STK32B: variants seen among roughly 807,000 people sequenced by gnomAD.
The protein encoded by STK32B is serine/threonine kinase 32B.
STK32B carries 43 observed loss-of-function variants against 52.6 expected under a neutral mutation model. The ratio of observed to expected loss-of-function variants is 0.82; its 90% CI spans 0.64 to 1.05. The LOEUF (loss-of-function observed/expected upper bound fraction) is 1.05. Among genes scored for constraint, STK32B ranks in the 50% least tolerant of loss-of-function variants. The pLI is 0.00. For synonymous variants in STK32B, 238 were observed against 204.3 expected, an observed-to-expected ratio of 1.17 and a Z score of -1.41; for missense variants, 621 against 534.6, an observed-to-expected ratio of 1.16 and a Z score of -1.59.
At chr4:5,374,883 A>G (rs1011036669) in intron 4 of STK32B, among the ~76,000 whole-genome samples, 7 of 152,220 alleles carry the variant, frequency 4.6e-5, no homozygotes, top group East Asian at 3.8e-4. Context: ...CTGCCTGCCA[A>G]GGGTGCCTGA....
At chr4:5,292,853 C>T (rs1158188297) in intron 3 of STK32B, among the ~76,000 whole-genome samples, 2 of 151,988 alleles carry the variant, frequency 1.3e-5, no homozygotes, top group East Asian at 3.9e-4. Context: ...ATACATGTGC[C>T]ATGGTGGTTT....
chr4:5,160,605 T>G (rs1718364395), intron 2 of STK32B, among the ~76,000 whole-genome samples: 1 of 152,228 alleles, frequency 6.6e-6, no homozygotes, highest in Non-Finnish European at 1.5e-5. Flanking sequence ...TAGTCCCATG[T>G]GCTCACCTCT....
At chr4:5,388,440 T>C (rs16837086) in intron 4 of STK32B, among the ~76,000 whole-genome samples, 12,127 of 152,170 alleles carry the variant, frequency 0.08, 1,032 homozygotes, top group Admixed American at 0.2. Flanking sequence ...CCACACAGTA[T>C]TGGAGTAAGG....
intron 1 of STK32B, among the ~76,000 whole-genome samples, chr4:5,135,901 A>G (rs1188540081): frequency 1.3e-5 from 2 of 152,214 alleles, no homozygotes; most frequent in African/African-American, 4.8e-5. Context: ...CAGTGGCTGG[A>G]AAAGTGGGGA....
At chr4:5,218,737 T>C (rs1026886155) in intron 3 of STK32B, among the ~76,000 whole-genome samples, 1 of 152,334 alleles carries the variant, frequency 6.6e-6, no homozygotes, top group East Asian at 1.9e-4. Flanking sequence ...TAACACATTC[T>C]TTTTCCTTTA....
chr4:5,441,438 G>C (rs1350224439), intron 6 of STK32B, among the ~76,000 whole-genome samples: 1 of 150,534 alleles, frequency 6.6e-6, no homozygotes, highest in African/African-American at 2.4e-5. Context: ...ATTTCTGTGG[G>C]ATCAGTGGTG....
chr4:5,405,111 C>T (rs1737570944), intron 5 of STK32B, among the ~76,000 whole-genome samples: 1 of 151,758 alleles, frequency 6.6e-6, no homozygotes, highest in Admixed American at 6.6e-5. Flanking sequence ...CATGATCCAC[C>T]CACCTTGGCC....
At chr4:5,248,133 G>A (rs1234843349) in intron 3 of STK32B, among the ~76,000 whole-genome samples, 5 of 152,180 alleles carry the variant, frequency 3.3e-5, no homozygotes, top group Non-Finnish European at 7.3e-5. Context: ...TATTGCTGAG[G>A]TCCTAGTGTT....
At chr4:5,140,567 C>T (rs572592461) in intron 2 of STK32B, among the ~76,000 whole-genome samples, 1 of 152,222 alleles carries the variant, frequency 6.6e-6, no homozygotes, top group African/African-American at 2.4e-5. Flanking sequence ...AACATAGTCT[C>T]TGTAACTCAG....
chr4:5,447,820 G>T (rs1381357950), intron 7 of STK32B, among the ~76,000 whole-genome samples: 1 of 152,178 alleles, frequency 6.6e-6, no homozygotes, highest in African/African-American at 2.4e-5. Flanking sequence ...TGTGTTCCTG[G>T]ACTGTGGGAG....
At chr4:5,034,841 C>G in the STK32B span, among the ~76,000 whole-genome samples, 1 of 152,204 alleles carries the variant, frequency 6.6e-6, no homozygotes, top group Non-Finnish European at 1.5e-5. Flanking sequence ...TTCATGGCAG[C>G]CTGGTCATAG....
the STK32B span, among the ~76,000 whole-genome samples, chr4:5,035,636 T>G: frequency 2.6e-5 from 4 of 152,096 alleles, 1 homozygote; most frequent in South Asian, 8.3e-4. Flanking sequence ...CGGTGGAGAC[T>G]GACATTGGAG....
chr4:5,216,146 G>C (rs1364191197), intron 3 of STK32B, among the ~76,000 whole-genome samples: 1 of 152,174 alleles, frequency 6.6e-6, no homozygotes, highest in Non-Finnish European at 1.5e-5. Context: ...TTAAAGACCA[G>C]ATCACTGGAC....
At chr4:5,024,595 G>T in the STK32B span, among the ~76,000 whole-genome samples, 1 of 152,164 alleles carries the variant, frequency 6.6e-6, no homozygotes, top group Non-Finnish European at 1.5e-5. Context: ...AGAAAGTCCT[G>T]AGCTTTGTGC....
intron 3 of STK32B, among the ~76,000 whole-genome samples, chr4:5,249,530 C>T (rs76361377): frequency 2.7e-5 from 4 of 148,600 alleles, no homozygotes; most frequent in East Asian, 2.0e-4. Context: ...AACTTTTCTT[C>T]TCTCCTTCCT....
At position 5,242,574 on chromosome 4, in the gene STK32B, G is replaced by T. The variant is rs367642247; in HGVS notation, c.260+74124G>T. Among the ~76,000 whole-genome samples the T allele has an allele frequency of 5.0e-4, 76 of 152,184 alleles. 1 individual carries two copies. The South Asian group carries it at 5.4e-3, about 11-fold the overall frequency. On this transcript the variant is annotated intron_variant, in intron 3 of 11. Transcript: ENST00000282908. The stretch of plus-strand genomic sequence containing the variant: ...TTTCTTTTGCTGTGCAGAAGCTCTT[G>T]AGTTTAATTAGATCCCATTTGTCAA...
At chr4:5,286,933 G>A (rs1728588260) in intron 3 of STK32B, among the ~76,000 whole-genome samples, 1 of 151,692 alleles carries the variant, frequency 6.6e-6, no homozygotes, top group South Asian at 2.1e-4. Context: ...GAGTAGCTGA[G>A]ATTACAGGCG....
chr4:5,369,958 C>T (rs555488859), intron 4 of STK32B, among the ~76,000 whole-genome samples: 192 of 151,682 alleles, frequency 1.3e-3, no homozygotes, highest in Non-Finnish European at 2.1e-3. Context: ...TCACTGCAAG[C>T]TCCGCCTCCT....
At chr4:5,049,722 G>C (rs1741689224), upstream of STK32B, among the ~76,000 whole-genome samples, 1 of 140,478 alleles carries the variant, frequency 7.1e-6, no homozygotes, top group African/African-American at 2.6e-5. Flanking sequence ...GCTTAGCTTG[G>C]GCTCAGAGGC....
Sources: allele counts gnomAD v4.1 joint callset (sites outside exome capture counted in the v4.1 genomes callset), GRCh38; gene constraint gnomAD v4.1.1; transcripts MANE v1.5; gene names NCBI Gene and HGNC (gene_info 2026-07-23, HGNC 2026-07-21).